CRLF1: variants seen among roughly 807,000 people sequenced by gnomAD.
CRLF1 encodes cytokine receptor like factor 1.
In CRLF1, 36 loss-of-function variants were observed where a neutral mutation model predicts 48.9. That is an observed-to-expected ratio of 0.74 (90% CI 0.56 to 0.97). The LOEUF is 0.97. Among genes scored for constraint, CRLF1 ranks in the 50% least tolerant of loss-of-function variants. CRLF1 has a pLI of 0.00. For synonymous variants in CRLF1, 256 were observed against 253.4 expected (o/e 1.01, Z -0.10); for missense variants, 534 against 575.1 (o/e 0.93, Z 0.73).
At chr19:18,595,355 AG>A (rs1976118990) in intron 6 of CRLF1, among the ~76,000 whole-genome samples, 1 of 152,158 alleles carries the variant, frequency 6.6e-6, no homozygotes, top group East Asian at 1.9e-4. Flanking sequence ...CTGAACCTGG[AG>A]GGGCCCAGGA....
Position 18,594,598 on chromosome 19 carries a change from C to G in CRLF1, c.1025-164G>C, listed in dbSNP as rs966100741. Among the ~76,000 whole-genome samples the G allele has an allele frequency of 1.4e-4, 21 of 151,942 alleles. 1 individual carries two copies. The highest frequency in any genetic ancestry group is 1.1e-3 in the Admixed American group (17 of 15,286). ...CCCGCGGCCCTGCACAGCAGCCCAG[C>G]TGCGCCCCTGGCCCGGCTGCGCCCC... On this transcript the variant is annotated intron_variant, in intron 6 of 8. Transcript: ENST00000392386.
At chr19:18,593,728 C>A (rs1323702744) in intron 8 of CRLF1, 149 bp from the exon 9 acceptor site, 3 of 1,511,386 alleles carry the variant, frequency 2.0e-6, no homozygotes, top group Non-Finnish European at 1.8e-6. Context: ...CGGGCCTTGG[C>A]GAGGCTATCT....
At chr19:18,597,173 C>T in intron 4 of CRLF1, 124 bp from the exon 5 acceptor site, 1 of 1,002,870 alleles carries the variant, frequency 1.0e-6, no homozygotes, top group Non-Finnish European at 1.4e-6. Context: ...TTCCCTCTGC[C>T]CCCACCCCCA....
intron 4 of CRLF1, among the ~76,000 whole-genome samples, 178 bp downstream of exon 4, chr19:18,598,254 G>A (rs577358514): frequency 1.8e-4 from 27 of 152,270 alleles, no homozygotes; most frequent in Admixed American, 7.8e-4. Flanking sequence ...ACTGATGAGC[G>A]GATGCTCAGC....
At position 18,593,357 on chromosome 19, in the gene CRLF1, TCA is replaced by T. The variant is rs375500909; in HGVS notation, c.*207_*208del. ...GGGTTCTAGGCAACTCAACCAACCC[TCA>T]CACACACACACACACCCACTGGGGT... On this transcript the variant is annotated 3_prime_UTR_variant, in exon 9 of 9. Coordinates refer to ENST00000392386, the MANE Select transcript of CRLF1 (RefSeq NM_004750.5). 6.2e-3 allele frequency: 3,615 copies of T among 578,566 alleles called. No individual in the cohort carries two copies. Among genetic ancestry groups the T allele is most frequent in the South Asian group, 7.9e-3 (341 of 42,954 alleles). The allele number at this position is 578,566 out of a possible 1,614,324, so 35.8% of individuals were successfully genotyped here.
chr19:18,597,101 C>G lies in CRLF1; in HGVS notation c.698-52G>C, dbSNP rs776788550. Reference sequence around the variant, plus strand: ...AGCCTGGGACTGTCTGGGTTTAACTCCCCCCAGCAGTGTGGCCCAGGGCAC... The same window carrying G: ...AGCCTGGGACTGTCTGGGTTTAACTGCCCCCAGCAGTGTGGCCCAGGGCAC... On this transcript the variant is annotated intron_variant, in intron 4 of 8. Transcript: ENST00000392386. 1.9e-6 allele frequency: 3 copies of G among 1,574,216 alleles called. No individual in the cohort carries two copies. The South Asian group carries it at 3.5e-5, about 18-fold the overall frequency.
At chr19:18,594,031 C>CGGGGGGCG in intron 8 of CRLF1, 34 bp downstream of exon 8, 6 of 1,299,852 alleles carry the variant, frequency 4.6e-6, no homozygotes, top group Non-Finnish European at 6.4e-6. Context: ...CCTCCCCTTG[C>CGGGGGGCG]TCCCTCCCGC....
At chr19:18,596,548 G>C (rs1408696069) in intron 6 of CRLF1, 74 bp downstream of exon 6, 13 of 1,540,106 alleles carry the variant, frequency 8.4e-6, no homozygotes, top group Admixed American at 8.0e-5. Context: ...AAAAAGAAAA[G>C]AAAACAAGGA....
chr19:18,596,470 G>A, intron 6 of CRLF1, 152 bp downstream of exon 6: 1 of 966,220 alleles, frequency 1.0e-6, no homozygotes, highest in Non-Finnish European at 1.5e-6. Context: ...AAACCGGGAG[G>A]CAGAGGTTGC....
Position 18,598,484 on chromosome 19 carries a change from G to A in CRLF1, c.645C>T (p.Asn215=), listed in dbSNP as rs746069265. ...TPYEIWVEAT[N]RLGSARSDVL... ...CATCGGAGCGGGCAGAGCCCAGGCG[G>A]TTGGTGGCCTCCACCCAGATCTCAT... Residue 215 remains asparagine, a synonymous_variant, in exon 4 of 9, where the codon AAC becomes AAT. Coordinates refer to ENST00000392386, the MANE Select transcript of CRLF1 (RefSeq NM_004750.5). 7.4e-6 allele frequency: 12 copies of A among 1,614,026 alleles called. 1 individual carries two copies. In the African/African-American group the frequency reaches 1.2e-4, roughly 16 times the overall value.
At chr19:18,593,946 T>G in intron 8 of CRLF1, 119 bp downstream of exon 8, 1 of 1,491,448 alleles carries the variant, frequency 6.7e-7, no homozygotes. Context: ...GAGGACGGAT[T>G]CCATCTCAGC....
At chr19:18,601,272 G>T (rs1209286215) in intron 1 of CRLF1, among the ~76,000 whole-genome samples, 1 of 151,192 alleles carries the variant, frequency 6.6e-6, no homozygotes, top group Non-Finnish European at 1.5e-5. Flanking sequence ...ATCATTAAGA[G>T]CACCATGTTT....
At position 18,593,490 on chromosome 19, in the gene CRLF1, G is replaced by T; in HGVS notation, c.*76C>A. ...GTGGCTCAGGTGCCCTGAAGTGAGGGTACAGAGGTGGCCCCAGTTTGGGTT... is the reference window on the plus strand; with the variant it reads ...GTGGCTCAGGTGCCCTGAAGTGAGGTTACAGAGGTGGCCCCAGTTTGGGTT... On this transcript the variant is annotated 3_prime_UTR_variant, in exon 9 of 9. Transcript: ENST00000392386. The T allele has an allele frequency of 6.3e-7, 1 of 1,591,620 alleles. No homozygotes were observed. Among genetic ancestry groups the T allele is most frequent in the Non-Finnish European group, 8.6e-7 (1 of 1,168,520 alleles).
chr19:18,595,120 C>T (rs923079545), intron 6 of CRLF1, among the ~76,000 whole-genome samples: 1 of 152,192 alleles, frequency 6.6e-6, no homozygotes, highest in Admixed American at 6.5e-5. Context: ...CCCAGCAGGC[C>T]GGCGGATAAG....
chr19:18,604,935 C>T (rs1448181544), intron 1 of CRLF1, among the ~76,000 whole-genome samples: 2 of 152,146 alleles, frequency 1.3e-5, no homozygotes, highest in Non-Finnish European at 2.9e-5. Flanking sequence ...GTGAGATTCT[C>T]TGCAAGCAGG....
In CRLF1 at chr19:18,599,699, G is replaced by C. The variant is rs1367111101; in HGVS notation, c.263C>G (p.Ser88Cys). ...LNGRRLPPEL[S>C]RVLNASTLAL... ...CAAGGTGGAGGCGTTGAGTACACGG[G>C]AGAGCTCAGGGGGCAGGCGGCGCCC... The change falls in exon 2 of 9, where the codon TCC becomes TGC. Residue 88 changes from serine to cysteine, a missense_variant. Coordinates refer to ENST00000392386, the MANE Select transcript of CRLF1 (RefSeq NM_004750.5). 6.2e-7 allele frequency: 1 copy of C among 1,611,990 alleles called. No homozygotes were observed. The highest frequency in any genetic ancestry group is 1.3e-5 in the African/African-American group (1 of 75,058).
chr19:18,594,312 G>C lies in CRLF1; in HGVS notation c.1147C>G (p.Leu383Val). The C allele has an allele frequency of 1.2e-6, 2 of 1,612,616 alleles. No homozygotes were observed. Among genetic ancestry groups the C allele is most frequent in the Non-Finnish European group, 1.7e-6 (2 of 1,179,868 alleles). Residue 383 changes from leucine to valine, a missense_variant, in exon 7 of 9, where the codon CTC becomes GTC. Physicochemically the swap from Leu to Val is conservative, Grantham distance 32 (BLOSUM62 1). This residue lies in a region of CRLF1 where 528 missense variants were observed against 555.7 expected (regional missense o/e 0.95). Coordinates refer to ENST00000392386, the MANE Select transcript of CRLF1 (RefSeq NM_004750.5). Reference sequence around the variant, plus strand: ...CACTGGTCGTAGAGGCGGAAGCTGAGGTTGGAGCAGTACGCGTGCTTCTTG... The same window carrying C: ...CACTGGTCGTAGAGGCGGAAGCTGACGTTGGAGCAGTACGCGTGCTTCTTG... ...WLKKHAYCSN[L>V]SFRLYDQWRA...
chr19:18,600,935 G>C (rs2145334278), intron 1 of CRLF1, among the ~76,000 whole-genome samples: 1 of 151,982 alleles, frequency 6.6e-6, no homozygotes, highest in African/African-American at 2.4e-5. Context: ...CTCCCAAGTA[G>C]CTGGGACTAC....
intron 8 of CRLF1, 33 bp downstream of exon 8, chr19:18,594,032 T>TTGCGCGCC: frequency 1.4e-6 from 1 of 695,814 alleles, no homozygotes; most frequent in Non-Finnish European, 2.2e-6. Context: ...CTCCCCTTGC[T>TTGCGCGCC]CCCTCCCGCC....
Sources: allele counts gnomAD v4.1 joint callset (sites outside exome capture counted in the v4.1 genomes callset), GRCh38; gene constraint gnomAD v4.1.1; regional missense constraint gnomAD v4.1.1; transcripts MANE v1.5; gene names NCBI Gene and HGNC (gene_info 2026-07-23, HGNC 2026-07-21).